The following BPIFB3 variants were observed in gnomAD, a reference collection of about 807,000 sequenced individuals.
BPIFB3 encodes the protein BPI fold-containing family B member 3.
Under a neutral mutation model 53.1 loss-of-function variants are expected in BPIFB3, and 49 were observed. The ratio of observed to expected loss-of-function variants is 0.92; its 90% confidence interval spans 0.73 to 1.17. The LOEUF (loss-of-function observed/expected upper bound fraction) is 1.17. BPIFB3 is among the 50% of genes most tolerant of loss of function. BPIFB3 has a pLI of 0.00. For missense variants in BPIFB3, 628 were observed against 592.5 expected (o/e 1.06, Z -0.62); for synonymous variants, 271 against 269.6 (o/e 1.01, Z -0.05).
intron 9 of BPIFB3, among the ~76,000 whole-genome samples, chr20:33,067,109 C>A (rs1043616020): frequency 6.6e-6 from 1 of 152,204 alleles, no homozygotes; most frequent in Non-Finnish European, 1.5e-5. Context: ...GGCATTTATC[C>A]TATGGAAATT....
At chr20:33,061,566 A>G (rs6088085) in intron 4 of BPIFB3, among the ~76,000 whole-genome samples, 41,803 of 152,080 alleles carry the variant, frequency 0.27, 7,774 homozygotes, top group East Asian at 0.79. Context: ...GGCATTGTAC[A>G]GTTGGGGAAA....
chr20:33,055,115 T>C (rs374209446), upstream of BPIFB3, among the ~76,000 whole-genome samples: 58 of 152,358 alleles, frequency 3.8e-4, no homozygotes, highest in African/African-American at 1.3e-3. Flanking sequence ...TGACTGTCTC[T>C]GATTAGTTCT....
chr20:33,055,580 T>C (rs779374751), intron 1 of BPIFB3, 33 bp downstream of exon 2: 2 of 1,612,450 alleles, frequency 1.2e-6, no homozygotes, highest in South Asian at 2.2e-5. Context: ...GTGAGGGGGC[T>C]GCTGCAATGT....
At chr20:33,056,671 T>G (rs1600535146) in exon 2 of BPIFB3, 1 of 1,602,742 alleles carries the variant, frequency 6.2e-7, no homozygotes, top group East Asian at 2.2e-5. Flanking sequence ...CACGGAGGGG[T>G]TTTTGGCGTT....
chr20:33,056,495 G>A, intron 1 of BPIFB3, 47 bp from the exon 3 acceptor site: 1 of 1,607,660 alleles, frequency 6.2e-7, no homozygotes, highest in Non-Finnish European at 8.5e-7. Context: ...GGTCCTGGGG[G>A]TGAGGTTGGA....
rs150087753 is a variant in BPIFB3 at position 33,066,832 on chromosome 20, C to T, written c.933C>T (p.Ser311=). 5.6e-3 allele frequency: 9,003 copies of T among 1,614,104 alleles called. 40 individuals carry two copies. Among genetic ancestry groups the T allele is most frequent in the Non-Finnish European group, 6.8e-3 (8,067 of 1,179,920 alleles). The change falls in exon 9 of 15, where the codon AGC becomes AGT. Residue 311 remains serine, a synonymous_variant. Transcript: ENST00000375494. ...TCCCATTGGGGGTCCAGGTTCCCAG[C>T]GATGTCCCACTGACAACTACAGACC...
chr20:33,056,219 G>A (rs1980195478), intron 1 of BPIFB3, among the ~76,000 whole-genome samples: 1 of 152,200 alleles, frequency 6.6e-6, no homozygotes, highest in Admixed American at 6.5e-5. Flanking sequence ...TTTGCTGTGT[G>A]ACTTTGGACA....
At chr20:33,069,059 C>G in intron 10 of BPIFB3, 86 bp downstream of exon 11, 13 of 1,451,548 alleles carry the variant, frequency 9.0e-6, no homozygotes, top group South Asian at 2.7e-5. Flanking sequence ...GTACCGTCCC[C>G]CTGATTTCAG....
At chr20:33,065,472 C>G (rs928962063) in intron 8 of BPIFB3, among the ~76,000 whole-genome samples, 1 of 151,196 alleles carries the variant, frequency 6.6e-6, no homozygotes, top group Non-Finnish European at 1.5e-5. Context: ...GATTACGCCA[C>G]TGCACTCCAG....
chr20:33,064,335 A>T, intron 6 of BPIFB3, 122 bp from the exon 8 acceptor site: 3 of 784,640 alleles, frequency 3.8e-6, no homozygotes, highest in Non-Finnish European at 4.2e-6. Flanking sequence ...TGACAGTAGC[A>T]GCCAAGTGAA....
At chr20:33,067,676 G>T (rs1180815328) in intron 9 of BPIFB3, among the ~76,000 whole-genome samples, 1 of 152,256 alleles carries the variant, frequency 6.6e-6, no homozygotes, top group Non-Finnish European at 1.5e-5. Flanking sequence ...AGTAGGAGTG[G>T]AGAGGGACAT....
Position 33,071,228 on chromosome 20 carries a change from C to T in BPIFB3, c.1218-25C>T, listed in dbSNP as rs1236861464. 5.1e-6 allele frequency: 8 copies of T among 1,555,296 alleles called. No homozygotes were observed. In the South Asian group the frequency reaches 9.5e-5, roughly 18 times the overall value. On this transcript the variant is annotated intron_variant, in intron 11 of 14. Coordinates refer to ENST00000375494, the Ensembl canonical transcript of BPIFB3. ...GGGGTGGTTGGGGGTAGCGGGGGCC[C>T]CAGCATCTCTCTTCTCTCCACCAGG...
intron 8 of BPIFB3, among the ~76,000 whole-genome samples, chr20:33,066,350 T>C (rs1381277286): frequency 3.9e-5 from 6 of 152,232 alleles, no homozygotes; most frequent in Non-Finnish European, 8.8e-5. Flanking sequence ...GACTTCCTGA[T>C]TTATAAATAC....
At chr20:33,073,631 C>T, downstream of BPIFB3, 1 of 1,613,340 alleles carries the variant, frequency 6.2e-7, no homozygotes, top group Non-Finnish European at 8.5e-7. Context: ...ACCAGCCTTC[C>T]CTGTTGACTA....
chr20:33,066,819 T>C lies in BPIFB3; in HGVS notation c.925-5T>C, dbSNP rs775273983. On this transcript the variant is annotated splice_region_variant and splice_polypyrimidine_tract_variant and intron_variant, in intron 8 of 14. Transcript: ENST00000375494. Reference sequence around the variant, plus strand: ...CACCAACCCTCTCTCCCATTGGGGGTCCAGGTTCCCAGCGATGTCCCACTG... The same window carrying C: ...CACCAACCCTCTCTCCCATTGGGGGCCCAGGTTCCCAGCGATGTCCCACTG... The C allele has an allele frequency of 6.2e-7, 1 of 1,614,038 alleles. No homozygotes were observed. Among genetic ancestry groups the C allele is most frequent in the Admixed American group, 1.7e-5 (1 of 60,022 alleles).
intron 2 of BPIFB3, among the ~76,000 whole-genome samples, chr20:33,057,128 C>A (rs568023932): frequency 4.6e-5 from 7 of 152,154 alleles, no homozygotes; most frequent in Non-Finnish European, 1.0e-4. Context: ...TTTTGTCTGG[C>A]TTATTCACTG....
At chr20:33,071,393 C>T in intron 12 of BPIFB3, 98 bp downstream of exon 13, 1 of 1,357,452 alleles carries the variant, frequency 7.4e-7, no homozygotes, top group South Asian at 1.3e-5. Context: ...TATGACTGAG[C>T]TGACCTCAGG....
intron 11 of BPIFB3, 90 bp from the exon 13 acceptor site, chr20:33,071,163 G>C: frequency 1.7e-6 from 2 of 1,143,536 alleles, no homozygotes; most frequent in Non-Finnish European, 1.2e-6. Context: ...CCTGTTTCCT[G>C]ATGATGAGAG....
intron 4 of BPIFB3, among the ~76,000 whole-genome samples, chr20:33,060,489 G>A (rs1980409151): frequency 6.6e-6 from 1 of 152,068 alleles, no homozygotes; most frequent in Non-Finnish European, 1.5e-5. Flanking sequence ...GATTCGGAAG[G>A]GGCTGTGACT....
Sources: allele counts gnomAD v4.1 joint callset (sites outside exome capture counted in the v4.1 genomes callset), GRCh38; gene constraint gnomAD v4.1.1; transcripts MANE v1.5; gene names NCBI Gene and HGNC (gene_info 2026-07-23, HGNC 2026-07-21).